Variants in DDOST observed in about 807,000 individuals in gnomAD.
The protein encoded by DDOST is dolichyl-diphosphooligosaccharide--protein glycosyltransferase 48 kDa subunit.
Under a neutral mutation model 47.6 loss-of-function variants are expected in DDOST, and 25 were observed. The ratio of observed to expected loss-of-function variants is 0.53; its 90% CI spans 0.38 to 0.73. The LOEUF is 0.73. Among genes scored for constraint, DDOST ranks in the 30% least tolerant of loss-of-function variants. The pLI, the probability that DDOST is intolerant of heterozygous loss-of-function variation, is 0.00. For missense variants in DDOST, 526 were observed against 573.9 expected (o/e 0.92, Z 0.85); for synonymous variants, 275 against 236.0 (o/e 1.17, Z -1.51).
intron 3 of DDOST, 61 bp from the exon 4 acceptor site, chr1:20,655,840 C>T: frequency 7.2e-7 from 1 of 1,384,080 alleles, no homozygotes; most frequent in Non-Finnish European, 1.0e-6. Flanking sequence ...GCCAAGTGTC[C>T]TTGGCTTCCT....
At chr1:20,657,733 C>T (rs1002941163) in intron 2 of DDOST, among the ~76,000 whole-genome samples, 6 of 152,190 alleles carry the variant, frequency 3.9e-5, no homozygotes, top group African/African-American at 1.4e-4. Context: ...AAACTAAAAG[C>T]GCCTTACCTG....
intron 2 of DDOST, among the ~76,000 whole-genome samples, chr1:20,657,796 A>G (rs1045939549): frequency 6.6e-6 from 1 of 152,224 alleles, no homozygotes; most frequent in African/African-American, 2.4e-5. Context: ...TCTGCCTCTC[A>G]TGCTACATTC....
chr1:20,657,457 G>A (rs1309787393), intron 2 of DDOST, among the ~76,000 whole-genome samples: 1 of 152,184 alleles, frequency 6.6e-6, no homozygotes, highest in Admixed American at 6.5e-5. Flanking sequence ...AGTGAAGAGT[G>A]CTGAGCCGAC....
chr1:20,655,355 C>G, intron 5 of DDOST, 85 bp downstream of exon 5: 1 of 968,758 alleles, frequency 1.0e-6, no homozygotes, highest in Admixed American at 2.0e-5. Flanking sequence ...TAAAGAATTA[C>G]AATTTTGCCT....
chr1:20,652,932 A>G lies in DDOST; in HGVS notation c.982T>C (p.Trp328Arg). 6.2e-7 allele frequency: 1 copy of G among 1,614,148 alleles called. No homozygotes were observed. Among genetic ancestry groups the G allele is most frequent in the Non-Finnish European group, 8.5e-7 (1 of 1,180,008 alleles). Residue 328 changes from tryptophan to arginine, a missense_variant, in exon 9 of 11, where the codon TGG (tryptophan) becomes CGG (arginine). By Grantham distance (101) the Trp-to-Arg change is moderately radical (BLOSUM62 -3). Coordinates refer to ENST00000602624, the MANE Select transcript of DDOST (RefSeq NM_005216.5). ...IVIQQLSNGK[W>R]VPFDGDDIQL... The stretch of plus-strand genomic sequence containing the variant: ...ATGTCATCGCCATCAAAGGGGACCC[A>G]TTTGCCATTTGAGAGCTGCTGGATC...
rs2053333512 is a variant in DDOST at position 20,654,065 on chromosome 1, C to G, written c.794+158G>C. Among the ~76,000 whole-genome samples the G allele has an allele frequency of 4.6e-5, 7 of 152,186 alleles. No homozygotes were observed. In the South Asian group the frequency reaches 1.2e-3, roughly 27 times the overall value. Reference sequence around the variant, plus strand: ...AAAAAATTGGAAGTGCCAATACCAGCAATATAGCAATAAAGCCCTGAAATA... The same window carrying G: ...AAAAAATTGGAAGTGCCAATACCAGGAATATAGCAATAAAGCCCTGAAATA... On this transcript the variant is annotated intron_variant, in intron 7 of 10. Transcript: ENST00000602624.
Position 20,653,639 on chromosome 1 carries a change from G to A in DDOST, c.930C>T (p.Val310=). ...AAACATCTCTTACCACTAGGTCAGT[G>A]ACAGTGTAGGCATTGGGTGGGGCTG... ...GETAPPNAYT[V]TDLVEYSIVI... is the part of the protein sequence containing the mutation. Residue 310 remains valine (V), a synonymous_variant, in exon 8 of 11, where the codon GTC becomes GTT. Transcript: ENST00000602624. The A allele has an allele frequency of 6.2e-7, 1 of 1,605,884 alleles. No homozygotes were observed. Among genetic ancestry groups the A allele is most frequent in the Non-Finnish European group, 8.5e-7 (1 of 1,174,684 alleles).
At chr1:20,661,049 G>A (rs2053429051) in intron 1 of DDOST, 58 bp from the exon 2 acceptor site, 2 of 1,492,392 alleles carry the variant, frequency 1.3e-6, no homozygotes, top group African/African-American at 1.4e-5. Flanking sequence ...AACCCCTGCT[G>A]CAGACATCGC....
In DDOST at chr1:20,654,285, G is replaced by T. The variant is rs149114970; in HGVS notation, c.732C>A (p.Leu244=). Residue 244 remains leucine (L), a synonymous_variant, in exon 7 of 11, where the codon CTC becomes CTA. Transcript: ENST00000602624. The part of the protein sequence containing the change: ...NNARVIFSGS[L]DFFSDSFFNS... ...TGAAGAAGGAGTCGCTGAAGAAGTC[G>T]AGGGAGCCGCTGAAGATGACGCGGG... 239 of 1,552,344 alleles carry T rather than the reference G, an allele frequency of 1.5e-4. 3 individuals are homozygous for T. In the Middle Eastern group the frequency reaches 3.4e-3, roughly 22 times the overall value.
intron 3 of DDOST, 148 bp downstream of exon 3, chr1:20,655,953 G>C (rs1200231888): frequency 1.2e-6 from 1 of 824,832 alleles, no homozygotes; most frequent in Non-Finnish European, 2.0e-6. Context: ...GCCTCCAGGA[G>C]TCAGATTCTG....
intron 2 of DDOST, among the ~76,000 whole-genome samples, chr1:20,657,689 G>C (rs1291524294): frequency 6.6e-6 from 1 of 152,182 alleles, no homozygotes; most frequent in Non-Finnish European, 1.5e-5. Flanking sequence ...CTGAATATAA[G>C]AGCCCTGTTT....
chr1:20,656,259 G>T, intron 2 of DDOST, 72 bp from the exon 3 acceptor site: 2 of 1,234,614 alleles, frequency 1.6e-6, no homozygotes, highest in Non-Finnish European at 2.4e-6. Context: ...GCAGGGAGGG[G>T]ACATGAAGGG....
chr1:20,661,113 G>T, intron 1 of DDOST, 84 bp downstream of exon 1: 1 of 1,517,866 alleles, frequency 6.6e-7, no homozygotes, highest in Non-Finnish European at 9.0e-7. Context: ...CCAGGAAAGG[G>T]AGAGGGAAGG....
At chr1:20,660,047 G>A (rs955888966) in intron 2 of DDOST, among the ~76,000 whole-genome samples, 1 of 152,170 alleles carries the variant, frequency 6.6e-6, no homozygotes, top group South Asian at 2.1e-4. Context: ...AGCAAATAAA[G>A]AAGAGAATGA....
intron 7 of DDOST, 111 bp downstream of exon 7, chr1:20,654,108 ACACT>A: frequency 8.0e-7 from 1 of 1,249,946 alleles, no homozygotes; most frequent in Non-Finnish European, 1.1e-6. Context: ...AGCACCTGAA[ACACT>A]CAGCCTCTGA....
chr1:20,653,403 C>G (rs2053321494), intron 8 of DDOST, among the ~76,000 whole-genome samples: 2 of 152,226 alleles, frequency 1.3e-5, no homozygotes, highest in Non-Finnish European at 2.9e-5. Context: ...CTGCTGCCCC[C>G]CATAGCAAAT....
At chr1:20,658,444 G>A (rs1367226041) in intron 2 of DDOST, among the ~76,000 whole-genome samples, 1 of 152,234 alleles carries the variant, frequency 6.6e-6, no homozygotes. Flanking sequence ...GAACGCCTGA[G>A]GATTTCCCAC....
intron 2 of DDOST, among the ~76,000 whole-genome samples, chr1:20,658,408 A>G (rs1057417899): frequency 6.6e-6 from 1 of 152,108 alleles, no homozygotes; most frequent in African/African-American, 2.4e-5. Context: ...CCTACCCCGA[A>G]CCCTGCCCTG....
In DDOST at chr1:20,655,539, A is replaced by C; in HGVS notation, c.457-5T>G. The C allele has an allele frequency of 6.2e-7, 1 of 1,613,678 alleles. No homozygotes were observed. The highest frequency in any genetic ancestry group is 1.1e-5 in the South Asian group (1 of 91,074). Reference sequence around the variant, plus strand: ...GTCAGCCACGATGAGCGTATGCTGCAAAGAGTAGATGGAAAGGTGGGTGGT... The same window carrying C: ...GTCAGCCACGATGAGCGTATGCTGCCAAGAGTAGATGGAAAGGTGGGTGGT... On this transcript the variant is annotated splice_polypyrimidine_tract_variant and splice_region_variant and intron_variant, in intron 4 of 10. Transcript: ENST00000602624.
Sources: allele counts gnomAD v4.1 joint callset (sites outside exome capture counted in the v4.1 genomes callset), GRCh38; gene constraint gnomAD v4.1.1; transcripts MANE v1.5; gene names NCBI Gene and HGNC (gene_info 2026-07-23, HGNC 2026-07-21).